Variants in DHRS4L2 observed in about 807,000 individuals in gnomAD.
DHRS4L2 encodes dehydrogenase/reductase SDR family member 4-like 2.
A neutral mutation model predicts 23.9 loss-of-function variants in DHRS4L2; 22 were observed. The ratio of observed to expected loss-of-function variants is 0.92; its 90% CI spans 0.66 to 1.31. The LOEUF (loss-of-function observed/expected upper bound fraction) is 1.31. DHRS4L2 is among the 40% of genes most tolerant of loss of function. The pLI is 0.00. For missense variants in DHRS4L2, 385 were observed against 303.3 expected (o/e 1.27, Z -2.00); for synonymous variants, 141 against 123.7 (o/e 1.14, Z -0.93).
chr14:23,986,593 G>A (rs547813620), upstream of DHRS4L2, among the ~76,000 whole-genome samples: 1 of 151,508 alleles, frequency 6.6e-6, no homozygotes, highest in South Asian at 2.1e-4. Flanking sequence ...AGGGCCATGT[G>A]TTGTTCACCA....
chr14:24,001,562 C>T (rs1353727432), intron 6 of DHRS4L2, 45 bp downstream of exon 6: 2 of 1,590,000 alleles, frequency 1.3e-6, no homozygotes, highest in Middle Eastern at 1.7e-4. Flanking sequence ...CCTTGAAAGG[C>T]ATCCATCTTC....
chr14:23,994,233 G>T (rs961815692), intron 2 of DHRS4L2, among the ~76,000 whole-genome samples: 21 of 151,810 alleles, frequency 1.4e-4, no homozygotes, highest in South Asian at 6.2e-4. Context: ...AGCACTTGGA[G>T]AAATGTGGGT....
intron 1 of DHRS4L2, among the ~76,000 whole-genome samples, chr14:23,974,078 C>A (rs1188799181): frequency 2.0e-5 from 3 of 151,794 alleles, no homozygotes; most frequent in Non-Finnish European, 4.4e-5. Context: ...CAAATTAGAA[C>A]TCAGGACTGA....
At chr14:23,994,814 T>G (rs1157278045) in intron 2 of DHRS4L2, among the ~76,000 whole-genome samples, 1 of 151,738 alleles carries the variant, frequency 6.6e-6, no homozygotes, top group Non-Finnish European at 1.5e-5. Flanking sequence ...TTGTCATTGT[T>G]GTTGTTGTTT....
exon 1 of DHRS4L2, chr14:23,970,081 G>A: frequency 2.2e-6 from 1 of 456,394 alleles, no homozygotes; most frequent in Non-Finnish European, 4.4e-6. Flanking sequence ...CAGCAGCCTC[G>A]GCAGTAGGGG....
At chr14:23,990,026 T>C (rs1375969903) in intron 1 of DHRS4L2, among the ~76,000 whole-genome samples, 156 bp from the exon 2 acceptor site, 1 of 151,790 alleles carries the variant, frequency 6.6e-6, no homozygotes, top group East Asian at 1.9e-4. Flanking sequence ...AAAATGGCCA[T>C]GCCATTAAGC....
In DHRS4L2 at chr14:23,988,932, C is replaced by A. The variant is rs759856459; in HGVS notation, c.-16C>A. 7.4e-6 allele frequency: 12 copies of A among 1,611,154 alleles called. No individual in the cohort carries two copies. Among genetic ancestry groups the A allele is most frequent in the South Asian group, 1.1e-5 (1 of 90,820 alleles). On this transcript the variant is annotated 5_prime_UTR_variant, in exon 1 of 8. Coordinates refer to ENST00000335125, the MANE Select transcript of DHRS4L2 (RefSeq NM_198083.4). Reference sequence around the variant, plus strand: ...TCCGCTGGAAGGAGTGGAACCCAGACTTGCTGGTCTGATCCATGCAGATGG... The same window carrying A: ...TCCGCTGGAAGGAGTGGAACCCAGAATTGCTGGTCTGATCCATGCAGATGG...
chr14:23,986,476 G>A (rs2138525728), upstream of DHRS4L2, among the ~76,000 whole-genome samples: 2 of 149,392 alleles, frequency 1.3e-5, no homozygotes, highest in East Asian at 3.9e-4. Flanking sequence ...CCTGCACGTT[G>A]TACACGTGCA....
At chr14:23,986,568 C>G (rs1376181446), upstream of DHRS4L2, among the ~76,000 whole-genome samples, 5 of 151,294 alleles carry the variant, frequency 3.3e-5, no homozygotes, top group Non-Finnish European at 7.4e-5. Flanking sequence ...AATAGCAACC[C>G]TGCCCACACA....
chr14:24,001,141 C>T, intron 5 of DHRS4L2, 57 bp downstream of exon 5: 1 of 1,609,310 alleles, frequency 6.2e-7, no homozygotes, highest in Non-Finnish European at 8.5e-7. Context: ...ATCTTTCCAC[C>T]CCTCCTATTA....
In DHRS4L2 at chr14:24,003,891, G is replaced by T. The variant is rs1336144530; in HGVS notation, c.666-446G>T. 2.7e-5 allele frequency among the ~76,000 whole-genome samples: 2 copies of T among 74,462 alleles called. 1 individual carries two copies. The highest frequency in any genetic ancestry group is 3.9e-4 in the African/African-American group (2 of 5,116). The allele number at this position is 74,462 out of a possible 152,430, so 48.8% of individuals were successfully genotyped here. On this transcript the variant is annotated intron_variant, in intron 6 of 7. Coordinates refer to ENST00000335125, the MANE Select transcript of DHRS4L2 (RefSeq NM_198083.4). ...GCTTAAGGAGATTTTGGGCTGAGACGATGGGGTTTTCTAGATAAACAATCA... is the reference window on the plus strand; with the variant it reads ...GCTTAAGGAGATTTTGGGCTGAGACTATGGGGTTTTCTAGATAAACAATCA...
chr14:23,970,201 TCCGGCCCTGCACC>T (rs1230965250), exon 1 of DHRS4L2: 1 of 454,700 alleles, frequency 2.2e-6, no homozygotes, highest in Non-Finnish European at 4.4e-6. Flanking sequence ...GCACGTTCCT[TCCGGCCCTGCACC>T]CCGGCCCGGT....
At chr14:23,974,785 A>G (rs2033934624) in intron 1 of DHRS4L2, among the ~76,000 whole-genome samples, 1 of 151,930 alleles carries the variant, frequency 6.6e-6, no homozygotes, top group South Asian at 2.1e-4. Flanking sequence ...AAAGTCCAGG[A>G]CCAGATGGAT....
chr14:23,989,044 A>G lies in DHRS4L2; in HGVS notation c.97A>G (p.Lys33Glu). The change falls in exon 1 of 8, where the codon AAG becomes GAG. Residue 33 changes from lysine to glutamate, a missense_variant. Physicochemically the swap from Lys to Glu is moderately conservative, Grantham distance 56. Coordinates refer to ENST00000335125, the MANE Select transcript of DHRS4L2 (RefSeq NM_198083.4). Reference sequence around the variant, plus strand: ...GACCCGCCGGGACCCGCTCACAAATAAGGTGGCCCTGGTAACGGCCTCCAC... The same window carrying G: ...GACCCGCCGGGACCCGCTCACAAATGAGGTGGCCCTGGTAACGGCCTCCAC... ...RMTRRDPLTNKVALVTASTDG... is the reference protein window; with the variant it reads ...RMTRRDPLTNEVALVTASTDG... 2.5e-6 allele frequency: 4 copies of G among 1,596,406 alleles called. No individual in the cohort carries two copies. The highest frequency in any genetic ancestry group is 3.4e-6 in the Non-Finnish European group (4 of 1,171,818).
intron 1 of DHRS4L2, among the ~76,000 whole-genome samples, chr14:23,983,594 C>A (rs1345063076): frequency 1.3e-5 from 2 of 151,614 alleles, no homozygotes; most frequent in Non-Finnish European, 2.9e-5. Context: ...ATGCTTATTG[C>A]AGCACTGTTC....
intron 3 of DHRS4L2, among the ~76,000 whole-genome samples, chr14:23,995,512 CA>C (rs1310764266): frequency 6.6e-6 from 1 of 151,594 alleles, no homozygotes; most frequent in African/African-American, 2.4e-5. Flanking sequence ...AAAAACTAAT[CA>C]TTTTTTATTA....
upstream of DHRS4L2, among the ~76,000 whole-genome samples, chr14:23,986,808 C>T (rs1460440982): frequency 2.0e-5 from 3 of 151,436 alleles, no homozygotes; most frequent in Admixed American, 2.0e-4. Flanking sequence ...GTACCCTCCC[C>T]CCAGCCCCAC....
intron 1 of DHRS4L2, among the ~76,000 whole-genome samples, chr14:23,970,664 C>T (rs928633888): frequency 1.3e-5 from 2 of 152,070 alleles, no homozygotes; most frequent in African/African-American, 4.8e-5. Context: ...CAGACTGCCT[C>T]CCCGAGTGGG....
In DHRS4L2 at chr14:24,006,216, G is replaced by A; in HGVS notation, c.*353G>A. 1.3e-6 allele frequency: 1 copy of A among 788,532 alleles called. No individual in the cohort carries two copies. Among genetic ancestry groups the A allele is most frequent in the East Asian group, 3.3e-5 (1 of 30,034 alleles). 48.8% of individuals were successfully genotyped at this position (788,532 alleles called of 1,614,324 possible). On this transcript the variant is annotated 3_prime_UTR_variant, in exon 8 of 8. Coordinates refer to ENST00000335125, the MANE Select transcript of DHRS4L2 (RefSeq NM_198083.4). ...GGCCTTGGGTAAAGGCCTCCCCTGA[G>A]AACACAGGACAGGCCTGCTGACAAG...
Sources: gnomAD v4.1 joint callset for allele counts (sites outside exome capture counted in the v4.1 genomes callset) on GRCh38, gnomAD v4.1.1 for gene constraint, MANE v1.5 for transcripts, NCBI Gene and HGNC (gene_info 2026-07-23, HGNC 2026-07-21) for gene names.